The following MCM7 variants were observed in gnomAD, a reference collection of about 807,000 sequenced individuals.
The protein encoded by MCM7 is DNA replication licensing factor MCM7.
Under a neutral mutation model 83.5 loss-of-function variants are expected in MCM7, and 95 were observed. The observed-to-expected ratio is 1.14, with a 90% CI of 0.96 to 1.35. MCM7 has a LOEUF of 1.35. Ranked by LOEUF, MCM7 falls within the 40% of genes most tolerant of loss-of-function variation. The pLI is 0.00. For synonymous variants in MCM7, 461 were observed against 352.7 expected (o/e 1.31, Z -3.44); for missense variants, 1,087 against 957.4 (o/e 1.14, Z -1.79).
Position 100,097,635 on chromosome 7 carries a change from G to A in MCM7, c.1096C>T (p.Pro366Ser). The A allele has an allele frequency of 6.2e-7, 1 of 1,613,998 alleles. No individual in the cohort carries two copies. Among genetic ancestry groups the A allele is most frequent in the South Asian group, 1.1e-5 (1 of 91,066 alleles). ...TTACCCCGGATTTTCATGCCTCGAG[G>A]AGACTGGTCCACACCCCCGACTAGC... The part of the protein sequence containing the change: ...LLLVGGVDQS[P>S]RGMKIRGNIN... The change falls in exon 9 of 15, where the codon CCT becomes TCT. Residue 366 changes from proline (P) to serine (S), a missense_variant. Transcript: ENST00000303887.
Position 100,096,187 on chromosome 7 carries a change from G to A in MCM7, c.1202-20C>T, listed in dbSNP as rs760835378. Reference sequence around the variant, plus strand: ...ACTGGCCTGGAAGAGAAGAAATAAGGAACCATGAGAGAGAAAGAACAAGAA... The same window carrying A: ...ACTGGCCTGGAAGAGAAGAAATAAGAAACCATGAGAGAGAAAGAACAAGAA... On this transcript the variant is annotated intron_variant, in intron 10 of 14. Transcript: ENST00000303887. 41 of 1,539,500 alleles carry A rather than the reference G, an allele frequency of 2.7e-5. No homozygotes were observed. Among genetic ancestry groups the A allele is most frequent in the Non-Finnish European group, 2.7e-5 (31 of 1,145,248 alleles).
rs1401427302 is a variant in MCM7 at position 100,097,963 on chromosome 7, T to TG, written c.871-16dup. The TG allele has an allele frequency of 3.7e-6, 6 of 1,611,206 alleles. No homozygotes were observed. In the African/African-American group the frequency reaches 8.0e-5, roughly 22 times the overall value. ...GAGAGTAAACCCTTGGGCAGGAAAA[T>TG]GCCAGGATACAGATGTAATCCCTTC... is the stretch of plus-strand genomic sequence containing the variant. On this transcript the variant is annotated splice_polypyrimidine_tract_variant and intron_variant, in intron 7 of 14. Transcript: ENST00000303887.
chr7:100,098,487 GTTC>G (rs1041884583), intron 6 of MCM7, 88 bp downstream of exon 6: 36 of 1,576,862 alleles, frequency 2.3e-5, no homozygotes, highest in African/African-American at 1.5e-4. Flanking sequence ...TCCCTCTTTT[GTTC>G]TTCTTTCTTC....
chr7:100,096,647 C>T (rs1171700566), intron 10 of MCM7, among the ~76,000 whole-genome samples: 4 of 151,976 alleles, frequency 2.6e-5, no homozygotes, highest in East Asian at 1.9e-4. Flanking sequence ...TGGTGGCACG[C>T]GCCTGTAGTC....
intron 7 of MCM7, 59 bp from the exon 8 acceptor site, chr7:100,098,007 T>C: frequency 6.3e-7 from 1 of 1,586,228 alleles, no homozygotes; most frequent in Non-Finnish European, 8.7e-7. Context: ...CATCACTGGA[T>C]TCCCTAACAA....
chr7:100,098,015 C>T, intron 7 of MCM7, 67 bp from the exon 8 acceptor site: 1 of 1,585,436 alleles, frequency 6.3e-7, no homozygotes, highest in African/African-American at 1.3e-5. Flanking sequence ...GATTCCCTAA[C>T]AATTTCTTGA....
Position 100,097,882 on chromosome 7 carries a change from C to A in MCM7, c.937G>T (p.Glu313Ter). Residue 313 changes from glutamate (E) to a stop codon, truncating the protein, a stop_gained, in exon 8 of 15, where the codon GAG becomes TAG. Coordinates refer to ENST00000303887, the MANE Select transcript of MCM7 (RefSeq NM_005916.5). LOFTEE classifies it high-confidence loss of function. ...IVKMNKSEDD[E>*]SGAGELTREE... ...CTGGTGAGCTCTCCAGCCCCAGACT[C>A]ATCATCCTCACTCTTGTTCATCTTC... 1 of 1,614,180 alleles carries A rather than the reference C, an allele frequency of 6.2e-7. No homozygotes were observed. Among genetic ancestry groups the A allele is most frequent in the Non-Finnish European group, 8.5e-7 (1 of 1,180,030 alleles).
chr7:100,097,872 G>C lies in MCM7; in HGVS notation c.947C>G (p.Ala316Gly). 6.2e-7 allele frequency: 1 copy of C among 1,614,126 alleles called. No individual in the cohort carries two copies. Among genetic ancestry groups the C allele is most frequent in the Non-Finnish European group, 8.5e-7 (1 of 1,180,020 alleles). ...MNKSEDDESG[A>G]GELTREELRQ... ...CAGCTCCTCCCTGGTGAGCTCTCCA[G>C]CCCCAGACTCATCATCCTCACTCTT... Residue 316 changes from alanine (A) to glycine (G), a missense_variant, in exon 8 of 15, where the codon GCT (alanine) becomes GGT (glycine). Coordinates refer to ENST00000303887, the MANE Select transcript of MCM7 (RefSeq NM_005916.5).
In MCM7 at chr7:100,099,973, G is replaced by C. The variant is rs553233846; in HGVS notation, c.111+41C>G. On this transcript the variant is annotated intron_variant, in intron 2 of 14. Transcript: ENST00000303887. Reference sequence around the variant, plus strand: ...CAAGCTGCTGCTTATGGCTCCTTAAGCACCCCGCTCCCCATTCCCTTTACC... The same window carrying C: ...CAAGCTGCTGCTTATGGCTCCTTAACCACCCCGCTCCCCATTCCCTTTACC... 3.8e-6 allele frequency: 6 copies of C among 1,569,846 alleles called. No homozygotes were observed. In the South Asian group the frequency reaches 5.6e-5, roughly 15 times the overall value.
chr7:100,095,999 G>C lies in MCM7; in HGVS notation c.1370C>G (p.Ala457Gly), dbSNP rs998406139. 26 of 1,613,918 alleles carry C rather than the reference G, an allele frequency of 1.6e-5. No individual in the cohort carries two copies. The highest frequency in any genetic ancestry group is 2.2e-5 in the Non-Finnish European group (26 of 1,180,020). Residue 457 changes from alanine to glycine, a missense_variant, in exon 11 of 15, where the codon GCC becomes GGC. Ala to Gly is a moderately conservative substitution (Grantham distance 60). Coordinates refer to ENST00000303887, the MANE Select transcript of MCM7 (RefSeq NM_005916.5). Reference protein sequence around the residue: ...FDKMAEADRTAIHEVMEQQTI... With the variant: ...FDKMAEADRTGIHEVMEQQTI... ...CTGCTGCTCCATGACCTCGTGGATG[G>C]CTGTGCGGTCGGCCTCAGCCATCTT...
chr7:100,100,470 C>A, intron 1 of MCM7: 9 of 907,562 alleles, frequency 9.9e-6, no homozygotes, highest in Non-Finnish European at 1.0e-5. Flanking sequence ...CCGGGACCTC[C>A]GCCACCGCAC....
chr7:100,098,986 T>C (rs775798662), intron 5 of MCM7, 37 bp downstream of exon 5: 28 of 1,610,744 alleles, frequency 1.7e-5, no homozygotes, highest in African/African-American at 1.2e-4. Flanking sequence ...AAACAACTAA[T>C]GGGTAAGTGC....
At chr7:100,097,978 G>A (rs756666387) in intron 7 of MCM7, 30 bp from the exon 8 acceptor site, 8 of 1,601,548 alleles carry the variant, frequency 5.0e-6, no homozygotes, top group Middle Eastern at 1.7e-4. Context: ...GGATACAGAT[G>A]TAATCCCTTC....
chr7:100,092,767 C>CT lies in MCM7; in HGVS notation c.*164_*165insA. On this transcript the variant is annotated 3_prime_UTR_variant, in exon 15 of 15. Coordinates refer to ENST00000303887, the MANE Select transcript of MCM7 (RefSeq NM_005916.5). The stretch of plus-strand genomic sequence containing the variant: ...AACCCTGTTTTAATGGAAGTCAGGC[C>CT]CAGGCTAGAAGATGACAATCTACAA... 1 of 712,638 alleles carries CT rather than the reference C, an allele frequency of 1.4e-6. No individual in the cohort carries two copies. Among genetic ancestry groups the CT allele is most frequent in the Non-Finnish European group, 2.3e-6 (1 of 431,818 alleles). The allele number at this position is 712,638 out of a possible 1,614,324, so 44.1% of individuals were successfully genotyped here. A position where few individuals can be genotyped will look rare whatever the true frequency, so the allele number is the denominator to read the frequency against.
chr7:100,100,422 C>T (rs766267665), intron 1 of MCM7: 16 of 1,027,796 alleles, frequency 1.6e-5, no homozygotes, highest in African/African-American at 1.7e-5. Flanking sequence ...CCCCTATGAT[C>T]CCCCGCCTTC....
chr7:100,096,685 G>T (rs1253179660), intron 10 of MCM7, among the ~76,000 whole-genome samples: 2 of 152,086 alleles, frequency 1.3e-5, no homozygotes, highest in Admixed American at 1.3e-4. Context: ...CGAAGCAGGA[G>T]AATTGCTTGA....
chr7:100,092,788 T>TACAA lies in MCM7; in HGVS notation c.*140_*143dup, dbSNP rs1315592336. 2.4e-6 allele frequency: 2 copies of TACAA among 843,222 alleles called. No individual in the cohort carries two copies. The highest frequency in any genetic ancestry group is 1.9e-6 in the Non-Finnish European group (1 of 539,970). 52.2% of individuals were successfully genotyped at this position (843,222 alleles called of 1,614,324 possible). A position where few individuals can be genotyped will look rare whatever the true frequency, so the allele number is the denominator to read the frequency against. On this transcript the variant is annotated 3_prime_UTR_variant, in exon 15 of 15. Coordinates refer to ENST00000303887, the MANE Select transcript of MCM7 (RefSeq NM_005916.5). ...AGGCCCAGGCTAGAAGATGACAATC[T>TACAA]ACAAACACTTTTATTAGCAAAAGGA...
intron 13 of MCM7, chr7:100,093,873 G>A: frequency 1.5e-6 from 1 of 658,204 alleles, no homozygotes; most frequent in Non-Finnish European, 2.9e-6. Context: ...CGGGAGGACA[G>A]AAAGGAAGGT....
intron 10 of MCM7, 66 bp from the exon 11 acceptor site, chr7:100,096,233 C>A: frequency 3.4e-6 from 5 of 1,480,244 alleles, no homozygotes; most frequent in Non-Finnish European, 4.5e-6. Context: ...CAAAAGACAA[C>A]AAACGGGCCA....
Sources: allele counts gnomAD v4.1 joint callset (sites outside exome capture counted in the v4.1 genomes callset), GRCh38; gene constraint gnomAD v4.1.1; transcripts MANE v1.5; gene names NCBI Gene and HGNC (gene_info 2026-07-23, HGNC 2026-07-21).